Variants in LINGO2 observed in about 807,000 individuals in gnomAD.
The protein encoded by LINGO2 is leucine-rich repeat and immunoglobulin-like domain-containing nogo receptor-interacting protein 2.
A neutral mutation model predicts 30.6 loss-of-function variants in LINGO2; 14 were observed. The observed-to-expected ratio is 0.46, with a 90% CI of 0.30 to 0.72. The LOEUF (loss-of-function observed/expected upper bound fraction) is 0.72, where lower values mean the gene tolerates loss of function less well. Among genes scored for constraint, LINGO2 ranks in the 30% least tolerant of loss-of-function variants. The pLI, the probability that LINGO2 is intolerant of heterozygous loss-of-function variation, is 0.07. For missense variants in LINGO2, 729 were observed against 751.7 expected, an observed-to-expected ratio of 0.97 and a Z score of 0.35; for synonymous variants, 317 against 288.5, an observed-to-expected ratio of 1.10 and a Z score of -1.00.
Position 28,476,443 on chromosome 9 carries a change from T to G in LINGO2, c.-364-418A>C, listed in dbSNP as rs7860258. On this transcript the variant is annotated intron_variant, in intron 1 of 5. Transcript: ENST00000379992. ...GGCGCCCGCCACCACGCCCGGCTAA[T>G]TTTTTGTATTTTTAGTAGAGACGGG... Among the ~76,000 whole-genome samples the G allele has an allele frequency of 9.3e-3, 1,419 of 152,068 alleles. 18 individuals carry two copies. The highest frequency in any genetic ancestry group is 0.032 in the African/African-American group (1,335 of 41,482).
chr9:28,884,584 T>C, the LINGO2 span, among the ~76,000 whole-genome samples: 1 of 151,672 alleles, frequency 6.6e-6, no homozygotes, highest in Non-Finnish European at 1.5e-5. Context: ...TGTCCATCTG[T>C]AAATAATTCC....
At chr9:28,552,013 G>A (rs1822312104) in intron 1 of LINGO2, among the ~76,000 whole-genome samples, 1 of 151,862 alleles carries the variant, frequency 6.6e-6, no homozygotes, top group Admixed American at 6.6e-5. Context: ...TTTTTAAATT[G>A]TGTGGTTTTG....
At chr9:29,065,653 G>T in the LINGO2 span, among the ~76,000 whole-genome samples, 57 of 152,056 alleles carry the variant, frequency 3.7e-4, no homozygotes, top group African/African-American at 1.3e-3. Context: ...TGAAACTGAA[G>T]TCTGCTTGCC....
At chr9:28,852,983 A>G in the LINGO2 span, among the ~76,000 whole-genome samples, 5 of 152,022 alleles carry the variant, frequency 3.3e-5, no homozygotes, top group Non-Finnish European at 5.9e-5. Context: ...TATTGTCTAC[A>G]TTTCTCAAAG....
intron 2 of LINGO2, among the ~76,000 whole-genome samples, chr9:28,468,880 A>G (rs1315464269): frequency 6.6e-6 from 1 of 152,198 alleles, no homozygotes; most frequent in Non-Finnish European, 1.5e-5. Context: ...CCAAATTTCA[A>G]CAAAAATATC....
At chr9:28,771,477 G>A in the LINGO2 span, among the ~76,000 whole-genome samples, 309 of 130,794 alleles carry the variant, frequency 2.4e-3, 4 homozygotes, top group African/African-American at 7.2e-3. Flanking sequence ...GTGTGTGTGT[G>A]TGTGTGTGTG....
the LINGO2 span, among the ~76,000 whole-genome samples, chr9:29,135,333 G>A: frequency 6.3e-3 from 957 of 152,136 alleles, 14 homozygotes; most frequent in African/African-American, 0.022. Flanking sequence ...GCCAAAGCGA[G>A]CAGATCATTA....
chr9:28,352,207 A>G (rs1248077931), intron 3 of LINGO2, among the ~76,000 whole-genome samples: 1 of 152,038 alleles, frequency 6.6e-6, no homozygotes, highest in Non-Finnish European at 1.5e-5. Context: ...GAGGAAGTCA[A>G]ATTGTCCCTG....
At chr9:28,233,647 G>A (rs542467855) in intron 4 of LINGO2, among the ~76,000 whole-genome samples, 1 of 152,268 alleles carries the variant, frequency 6.6e-6, no homozygotes, top group East Asian at 1.9e-4. Context: ...TCCAACTCCA[G>A]CAAGTACAGC....
intron 3 of LINGO2, among the ~76,000 whole-genome samples, chr9:28,347,469 A>G (rs1246184042): frequency 6.6e-6 from 1 of 152,112 alleles, no homozygotes; most frequent in African/African-American, 2.4e-5. Flanking sequence ...ATCCATAAAG[A>G]TAAAAGAAGT....
intron 5 of LINGO2, among the ~76,000 whole-genome samples, chr9:27,996,296 A>G (rs1400488951): frequency 6.6e-6 from 1 of 152,168 alleles, no homozygotes; most frequent in East Asian, 1.9e-4. Context: ...TGTATATATA[A>G]GAAAGAAAAT....
chr9:29,055,214 A>G, the LINGO2 span, among the ~76,000 whole-genome samples: 1 of 50,490 alleles, frequency 2.0e-5, no homozygotes, highest in Non-Finnish European at 3.8e-5. Flanking sequence ...GCGAGACTCC[A>G]TCTCAACAAC....
At chr9:29,077,495 T>C in the LINGO2 span, among the ~76,000 whole-genome samples, 6 of 152,068 alleles carry the variant, frequency 3.9e-5, no homozygotes, top group Non-Finnish European at 8.8e-5. Context: ...TTATTCTCTA[T>C]AGCTACTTTA....
At chr9:28,882,199 T>C in the LINGO2 span, among the ~76,000 whole-genome samples, 1 of 152,216 alleles carries the variant, frequency 6.6e-6, no homozygotes, top group Non-Finnish European at 1.5e-5. Flanking sequence ...CAACTTTGTA[T>C]ATTTAATTTT....
the LINGO2 span, among the ~76,000 whole-genome samples, chr9:28,771,848 T>G: frequency 1.3e-5 from 2 of 152,134 alleles, no homozygotes; most frequent in African/African-American, 4.8e-5. Flanking sequence ...AGTATAGATC[T>G]TTTTTTGTAA....
At chr9:28,584,329 A>T (rs1824419244) in intron 1 of LINGO2, among the ~76,000 whole-genome samples, 2 of 152,248 alleles carry the variant, frequency 1.3e-5, no homozygotes, top group South Asian at 4.1e-4. Flanking sequence ...TAACAAATGT[A>T]CTTGAGAGCA....
At chr9:29,105,411 C>A in the LINGO2 span, among the ~76,000 whole-genome samples, 2 of 152,158 alleles carry the variant, frequency 1.3e-5, no homozygotes, top group Non-Finnish European at 2.9e-5. Flanking sequence ...TTCTACGTAA[C>A]CTCAACTTTA....
At chr9:28,391,604 C>CGTGTGTGTGTGT (rs35676869) in intron 2 of LINGO2, among the ~76,000 whole-genome samples, 23 of 147,846 alleles carry the variant, frequency 1.6e-4, no homozygotes, top group South Asian at 6.5e-4. Flanking sequence ...TTTATGTTTG[C>CGTGTGTGTGTGT]GTGTGTGTGT....
chr9:28,130,797 A>C lies in LINGO2; in HGVS notation c.-86-118392T>G, dbSNP rs1827358627. On this transcript the variant is annotated intron_variant, in intron 4 of 5. Transcript: ENST00000379992. This position sits in a 1 kb window ranked among gnomAD's most constrained non-coding sequence, Gnocchi z 5.2. ...AAATGTGCAGAAATGGAAAAAGATT[A>C]GATTCTGAGAAGTAGTACAGTTTGG... Among the ~76,000 whole-genome samples, 1 of 152,170 alleles carries C rather than the reference A, an allele frequency of 6.6e-6. No individual in the cohort carries two copies. The highest frequency in any genetic ancestry group is 6.5e-5 in the Admixed American group (1 of 15,268).
Sources: gnomAD v4.1 joint callset for allele counts (sites outside exome capture counted in the v4.1 genomes callset) on GRCh38, gnomAD v4.1.1 for gene constraint, Gnocchi (gnomAD v3.1) non-coding constraint, MANE v1.5 for transcripts, NCBI Gene and HGNC (gene_info 2026-07-23, HGNC 2026-07-21) for gene names.